The following TNFRSF8 variants were observed in gnomAD, a reference collection of about 807,000 sequenced individuals.
TNFRSF8 encodes the protein TNF receptor superfamily member 8.
TNFRSF8 carries 26 observed loss-of-function variants against 70.8 expected under a neutral mutation model. That is an observed-to-expected ratio of 0.37 (90% CI 0.27 to 0.51). The LOEUF (loss-of-function observed/expected upper bound fraction) is 0.51. TNFRSF8 is among the 20% of genes least tolerant of loss of function. The pLI, the probability that TNFRSF8 is intolerant of heterozygous loss-of-function variation, is 0.94. For missense variants in TNFRSF8, 720 were observed against 807.9 expected (o/e 0.89, Z 1.32); for synonymous variants, 356 against 339.2 (o/e 1.05, Z -0.54).
rs11569951 is a variant in TNFRSF8, at chr1:12,143,138, A to G, written c.*607A>G. 8,218 of 153,440 alleles carry G rather than the reference A, an allele frequency of 0.054. 242 individuals are homozygous for G. Among genetic ancestry groups the G allele is most frequent in the Non-Finnish European group, 0.069 (4,770 of 68,766 alleles). The allele number at this position is 153,440 out of a possible 1,614,324, so 9.5% of individuals were successfully genotyped here. A position where few individuals can be genotyped will look rare whatever the true frequency, so the allele number is the denominator to read the frequency against. ...CTGCAGCGGCCACACTGTACTCTGC[A>G]CTGGTGTGAGGGCCCCTGCCTGGAC... On this transcript the variant is annotated 3_prime_UTR_variant, in exon 15 of 15. Coordinates refer to ENST00000263932, the MANE Select transcript of TNFRSF8 (RefSeq NM_001243.5). The surrounding 1 kb of genome is among the most constrained non-coding windows in gnomAD (Gnocchi z 4.1).
chr1:12,107,919 G>A lies in TNFRSF8; in HGVS notation c.422-1647G>A, dbSNP rs967166957. Among the ~76,000 whole-genome samples, 7 of 152,096 alleles carry A rather than the reference G, an allele frequency of 4.6e-5. No individual in the cohort carries two copies. The East Asian group carries it at 7.7e-4, about 17-fold the overall frequency. On this transcript the variant is annotated intron_variant, in intron 4 of 14. Coordinates refer to ENST00000263932, the MANE Select transcript of TNFRSF8 (RefSeq NM_001243.5). ...TTTCCAGGTGTGGAAATCGAGGTCC[G>A]GAGATGGGAGGTAAATTGCCCGCGG...
At chr1:12,126,378 T>C in intron 12 of TNFRSF8, 142 bp downstream of exon 12, 1 of 915,376 alleles carries the variant, frequency 1.1e-6, no homozygotes, top group Non-Finnish European at 1.7e-6. Context: ...ATTCTGTACA[T>C]CTGTAGGGAT....
In TNFRSF8 at chr1:12,138,497, G is replaced by A. The variant is rs1172564484; in HGVS notation, c.1543+61G>A. ...CAGGGGCAGATGGGAGATGAATACG[G>A]GGCCCTGGGCCCTGGAAGGGACCTG... On this transcript the variant is annotated intron_variant, in intron 14 of 14. Transcript: ENST00000263932. The surrounding 1 kb of genome is among the most constrained non-coding windows in gnomAD (Gnocchi z 5.7). 6.8e-7 allele frequency: 1 copy of A among 1,468,394 alleles called. No individual in the cohort carries two copies. The highest frequency in any genetic ancestry group is 9.1e-7 in the Non-Finnish European group (1 of 1,092,950). The allele number at this position is 1,468,394 out of a possible 1,614,324, so 91.0% of individuals were successfully genotyped here.
chr1:12,142,637 T>G lies in TNFRSF8; in HGVS notation c.*106T>G. The G allele has an allele frequency of 7.1e-7, 1 of 1,415,746 alleles. No homozygotes were observed. The highest frequency in any genetic ancestry group is 9.4e-7 in the Non-Finnish European group (1 of 1,062,998). 87.7% of individuals were successfully genotyped at this position (1,415,746 alleles called of 1,614,324 possible). ...GGGCAGAGGCCCATCTGGCCTGAAC[T>G]GAGGCTCCAGCATCTAGTGGTGGAC... On this transcript the variant is annotated 3_prime_UTR_variant, in exon 15 of 15. Transcript: ENST00000263932. The surrounding 1 kb of genome is among the most constrained non-coding windows in gnomAD (Gnocchi z 5.0).
At chr1:12,099,471 C>T (rs1641383545) in intron 3 of TNFRSF8, among the ~76,000 whole-genome samples, 1 of 151,968 alleles carries the variant, frequency 6.6e-6, no homozygotes, top group Non-Finnish European at 1.5e-5. Flanking sequence ...AATTTTAAGA[C>T]AGGGTCTCAC....
intron 7 of TNFRSF8, 95 bp from the exon 8 acceptor site, chr1:12,115,482 T>G: frequency 1.4e-6 from 2 of 1,380,078 alleles, no homozygotes; most frequent in Non-Finnish European, 2.1e-6. Flanking sequence ...TGGATGACCC[T>G]TGGACAACTG....
In TNFRSF8 at chr1:12,110,897, A is replaced by G. The variant is rs1223253348; in HGVS notation, c.676+693A>G. 1.3e-5 allele frequency among the ~76,000 whole-genome samples: 2 copies of G among 152,018 alleles called. No homozygotes were observed. Among genetic ancestry groups the G allele is most frequent in the Non-Finnish European group, 2.9e-5 (2 of 67,976 alleles). Reference sequence around the variant, plus strand: ...ATTACAGGCGTGAGCCACCGCGCCCAACCTAGTCCCATTTTATTACTGAAT... The same window carrying G: ...ATTACAGGCGTGAGCCACCGCGCCCGACCTAGTCCCATTTTATTACTGAAT... On this transcript the variant is annotated intron_variant, in intron 6 of 14. Transcript: ENST00000263932. This position sits in a 1 kb window ranked among gnomAD's most constrained non-coding sequence, Gnocchi z 4.0.
chr1:12,090,829 T>C (rs1641236353), intron 2 of TNFRSF8, among the ~76,000 whole-genome samples: 1 of 152,196 alleles, frequency 6.6e-6, no homozygotes, highest in Admixed American at 6.5e-5. Context: ...TAGACTGTTA[T>C]GGGCTGAGTC....
In TNFRSF8 at chr1:12,113,453, C is replaced by A. The variant is rs1443969249; in HGVS notation, c.793+1439C>A. On this transcript the variant is annotated intron_variant, in intron 7 of 14. Transcript: ENST00000263932. This position sits in a 1 kb window ranked among gnomAD's most constrained non-coding sequence, Gnocchi z 4.9. ...CCTCCCAAAGTGTTGGAATTACAAG[C>A]ATGAGCCATTGCCCCCGGCCATAAA... is the stretch of plus-strand genomic sequence containing the variant. Among the ~76,000 whole-genome samples the A allele has an allele frequency of 6.6e-6, 1 of 152,174 alleles. No individual in the cohort carries two copies. The highest frequency in any genetic ancestry group is 1.5e-5 in the Non-Finnish European group (1 of 68,034).
chr1:12,111,595 G>A (rs746279322), intron 6 of TNFRSF8, among the ~76,000 whole-genome samples: 1 of 152,186 alleles, frequency 6.6e-6, no homozygotes, highest in East Asian at 1.9e-4. Flanking sequence ...TGTTCCCAAA[G>A]TTTTGAGCAG....
At chr1:12,124,874 AAAAC>A (rs200040110) in intron 10 of TNFRSF8, among the ~76,000 whole-genome samples, 3,157 of 150,690 alleles carry the variant, frequency 0.021, 71 homozygotes, top group East Asian at 0.13. Context: ...AAAACAAAAC[AAAAC>A]AAACAAAACC....
chr1:12,101,556 G>T (rs758171959), intron 3 of TNFRSF8, among the ~76,000 whole-genome samples: 1 of 152,164 alleles, frequency 6.6e-6, no homozygotes, highest in Non-Finnish European at 1.5e-5. Flanking sequence ...TATACAACTG[G>T]CAGGGCAGTA....
chr1:12,133,155 C>T (rs1277017522), intron 12 of TNFRSF8, among the ~76,000 whole-genome samples: 3 of 152,118 alleles, frequency 2.0e-5, no homozygotes, highest in Non-Finnish European at 4.4e-5. Context: ...GGTGTGTTCC[C>T]TCAAGAGGGA....
intron 3 of TNFRSF8, among the ~76,000 whole-genome samples, chr1:12,099,721 T>G (rs1482458096): frequency 2.0e-5 from 3 of 151,892 alleles, no homozygotes; most frequent in African/African-American, 7.3e-5. Flanking sequence ...TACACACACC[T>G]ACATGATGTA....
At chr1:12,132,056 TA>T (rs1477393783) in intron 12 of TNFRSF8, among the ~76,000 whole-genome samples, 1 of 151,586 alleles carries the variant, frequency 6.6e-6, no homozygotes, top group African/African-American at 2.4e-5. Flanking sequence ...CCTCCCAAAA[TA>T]CTGGGATTAC....
chr1:12,063,769 C>T lies in TNFRSF8; in HGVS notation c.63+108C>T. The T allele has an allele frequency of 9.2e-7, 1 of 1,087,658 alleles. No individual in the cohort carries two copies. The highest frequency in any genetic ancestry group is 1.2e-6 in the Non-Finnish European group (1 of 850,254). 67.4% of individuals were successfully genotyped at this position (1,087,658 alleles called of 1,614,324 possible). The stretch of plus-strand genomic sequence containing the variant: ...ACTCCTCACCCCGTTCCCTGCCCAG[C>T]TGGAGTGAGGGGGCGCGGGTGACAA... On this transcript the variant is annotated intron_variant, in intron 1 of 14. Coordinates refer to ENST00000263932, the MANE Select transcript of TNFRSF8 (RefSeq NM_001243.5). This position sits in a 1 kb window ranked among gnomAD's most constrained non-coding sequence, Gnocchi z 7.2.
At chr1:12,103,677 T>C (rs1452045971) in intron 3 of TNFRSF8, among the ~76,000 whole-genome samples, 1 of 152,098 alleles carries the variant, frequency 6.6e-6, no homozygotes. Context: ...TTTCACCATG[T>C]TGCCCATGTT....
Position 12,063,539 on chromosome 1 carries a change from G to T in TNFRSF8, c.-60G>T. 1.6e-6 allele frequency: 2 copies of T among 1,285,334 alleles called. No homozygotes were observed. The highest frequency in any genetic ancestry group is 3.1e-5 in the East Asian group (1 of 31,772). The allele number at this position is 1,285,334 out of a possible 1,614,324, so 79.6% of individuals were successfully genotyped here. ...CCGGGACCGCACGTGGGCGCCGCGC[G>T]CTTCCCCCGCTTCCCAGGTGGGCGC... On this transcript the variant is annotated 5_prime_UTR_variant, in exon 1 of 15. Transcript: ENST00000263932. This position sits in a 1 kb window ranked among gnomAD's most constrained non-coding sequence, Gnocchi z 7.2.
intron 12 of TNFRSF8, among the ~76,000 whole-genome samples, chr1:12,133,737 TCAAA>T (rs1557605417): frequency 2.9e-5 from 1 of 34,394 alleles, no homozygotes; most frequent in Non-Finnish European, 4.7e-5. Flanking sequence ...AGACTCCATC[TCAAA>T]AAAAAAAAAA....
Sources: allele counts gnomAD v4.1 joint callset (sites outside exome capture counted in the v4.1 genomes callset), GRCh38; gene constraint gnomAD v4.1.1; non-coding constraint Gnocchi (gnomAD v3.1); transcripts MANE v1.5; gene names NCBI Gene and HGNC (gene_info 2026-07-23, HGNC 2026-07-21).